Variants in PLCG2 observed in about 807,000 individuals in gnomAD.
PLCG2 encodes the protein 1-phosphatidylinositol 4,5-bisphosphate phosphodiesterase gamma-2.
Under a neutral mutation model 175.6 loss-of-function variants are expected in PLCG2, and 69 were observed. That is an observed-to-expected ratio of 0.39 (90% confidence interval 0.32 to 0.48). PLCG2 has a LOEUF of 0.48. PLCG2 is among the 20% of genes least tolerant of loss of function. The probability of loss-of-function intolerance (pLI) is 0.91; values close to 1 mark genes in which losing one functional copy is unlikely to be tolerated. For missense variants in PLCG2, 1,798 were observed against 1,650.9 expected (o/e 1.09, Z -1.54); for synonymous variants, 827 against 624.0 (o/e 1.33, Z -4.85).
intron 2 of PLCG2, among the ~76,000 whole-genome samples, chr16:81,801,406 C>G (rs1181927932): frequency 2.0e-5 from 3 of 152,080 alleles, no homozygotes; most frequent in Non-Finnish European, 4.4e-5. Context: ...GTGTGTATCC[C>G]TCAAGCAACT....
intron 1 of PLCG2, among the ~76,000 whole-genome samples, chr16:81,742,796 A>G (rs1055865348): frequency 1.3e-5 from 2 of 152,128 alleles, no homozygotes; most frequent in African/African-American, 4.8e-5. Flanking sequence ...ATCTGGCCAG[A>G]CTTCCTCAGG....
At chr16:81,747,277 G>C (rs1052544100) in intron 1 of PLCG2, among the ~76,000 whole-genome samples, 26 of 152,188 alleles carry the variant, frequency 1.7e-4, no homozygotes, top group Admixed American at 8.5e-4. Flanking sequence ...GCTCACACCT[G>C]TAAGCCCAGC....
At chr16:81,784,710 T>C (rs2143168648) in intron 1 of PLCG2, among the ~76,000 whole-genome samples, 1 of 152,318 alleles carries the variant, frequency 6.6e-6, no homozygotes, top group East Asian at 1.9e-4. Flanking sequence ...CATTATCTTG[T>C]TTAAGCCTTA....
chr16:81,763,942 G>A (rs1402267972), intron 2 of PLCG2, among the ~76,000 whole-genome samples: 1 of 152,010 alleles, frequency 6.6e-6, no homozygotes, highest in Non-Finnish European at 1.5e-5. Context: ...ACTCCAGCCT[G>A]GGCGACAGAG....
chr16:81,946,522 T>C (rs898387113), intron 31 of PLCG2, among the ~76,000 whole-genome samples: 4 of 152,070 alleles, frequency 2.6e-5, no homozygotes, highest in African/African-American at 9.7e-5. Context: ...ACTTGTAAGT[T>C]CCCCATAGTT....
intron 1 of PLCG2, among the ~76,000 whole-genome samples, chr16:81,750,841 T>G (rs1909797509): frequency 6.6e-6 from 1 of 150,928 alleles, no homozygotes; most frequent in Admixed American, 6.6e-5. Context: ...ACCTGGCTAA[T>G]TTTTTGTATT....
intron 1 of PLCG2, among the ~76,000 whole-genome samples, chr16:81,744,625 T>C (rs1298815607): frequency 6.6e-6 from 1 of 152,006 alleles, no homozygotes; most frequent in East Asian, 1.9e-4. Flanking sequence ...ATAGTCGTGC[T>C]CTGTCACCCA....
At chr16:81,942,206 T>G (rs1225087363) in intron 30 of PLCG2, among the ~76,000 whole-genome samples, 1 of 152,190 alleles carries the variant, frequency 6.6e-6, no homozygotes, top group Non-Finnish European at 1.5e-5. Context: ...GCCTTGAGCC[T>G]CATAACCCCT....
At chr16:81,957,765 A>G (rs1247515806) in intron 32 of PLCG2, among the ~76,000 whole-genome samples, 191 bp from the exon 33 acceptor site, 2 of 152,060 alleles carry the variant, frequency 1.3e-5, no homozygotes, top group African/African-American at 4.8e-5. Context: ...CTGTTTTACC[A>G]TTGAGGAGAT....
At position 81,928,412 on chromosome 16, in the gene PLCG2, T is replaced by C. The variant is rs936745093; in HGVS notation, c.2515-146T>C. 1.8e-5 allele frequency: 11 copies of C among 607,804 alleles called. 1 individual carries two copies. The highest frequency in any genetic ancestry group is 1.5e-4 in the African/African-American group (8 of 54,762). 37.7% of individuals were successfully genotyped at this position (607,804 alleles called of 1,614,324 possible). A position where few individuals can be genotyped will look rare whatever the true frequency, so the allele number is the denominator to read the frequency against. ...AGCTCCATGCTTCATTATTTAGCTCTCTCCCCATGGACGTATCTGGTAATG... is the reference window on the plus strand; with the variant it reads ...AGCTCCATGCTTCATTATTTAGCTCCCTCCCCATGGACGTATCTGGTAATG... On this transcript the variant is annotated intron_variant, in intron 23 of 32. Coordinates refer to ENST00000564138, the MANE Select transcript of PLCG2 (RefSeq NM_002661.5).
intron 2 of PLCG2, among the ~76,000 whole-genome samples, chr16:81,850,370 AG>A (rs1906344257): frequency 6.6e-6 from 1 of 151,504 alleles, no homozygotes; most frequent in Non-Finnish European, 1.5e-5. Flanking sequence ...CAAACAAAAA[AG>A]TTTCAGTGCA....
intron 1 of PLCG2, among the ~76,000 whole-genome samples, chr16:81,744,291 A>C (rs569831058): frequency 1.1e-4 from 17 of 151,640 alleles, no homozygotes; most frequent in Admixed American, 9.9e-4. Flanking sequence ...CAGCCTCCCA[A>C]GTAGCTGGGA....
At chr16:81,886,847 C>T (rs1348810571) in intron 9 of PLCG2, among the ~76,000 whole-genome samples, 1 of 152,110 alleles carries the variant, frequency 6.6e-6, no homozygotes, top group Non-Finnish European at 1.5e-5. Flanking sequence ...ATGGCCATCG[C>T]CATTTATTTT....
At chr16:81,764,335 T>G (rs999821712) in intron 2 of PLCG2, among the ~76,000 whole-genome samples, 14 of 152,062 alleles carry the variant, frequency 9.2e-5, no homozygotes, top group African/African-American at 3.4e-4. Context: ...AGTGAAAAGT[T>G]ACAAAGATCT....
intron 17 of PLCG2, among the ~76,000 whole-genome samples, chr16:81,909,467 T>G (rs1909523114): frequency 6.6e-6 from 1 of 152,132 alleles, no homozygotes; most frequent in African/African-American, 2.4e-5. Context: ...GCCTAGGCTG[T>G]AGTACAATGG....
intron 2 of PLCG2, among the ~76,000 whole-genome samples, chr16:81,834,262 C>T (rs1905397500): frequency 6.6e-6 from 1 of 152,086 alleles, no homozygotes; most frequent in Admixed American, 6.6e-5. Context: ...GTAAGGGGGA[C>T]CTGGTTTGTT....
chr16:81,833,251 G>A (rs540531101), intron 2 of PLCG2, among the ~76,000 whole-genome samples: 1 of 152,200 alleles, frequency 6.6e-6, no homozygotes, highest in Non-Finnish European at 1.5e-5. Context: ...CTTTCTGTGG[G>A]GGCCACAGCC....
Position 81,882,163 on chromosome 16 carries a change from C to G in PLCG2, c.693-1106C>G, listed in dbSNP as rs1196212428. Among the ~76,000 whole-genome samples, 4 of 152,260 alleles carry G rather than the reference C, an allele frequency of 2.6e-5. No homozygotes were observed. The East Asian group carries it at 7.7e-4, about 29-fold the overall frequency. On this transcript the variant is annotated intron_variant, in intron 8 of 32. Transcript: ENST00000564138. The stretch of plus-strand genomic sequence containing the variant: ...CCTGCAAGTGCTCAGGGAAACATAC[C>G]CATTACCCTGGGAAGCCCCGTGTAG...
At chr16:81,808,808 T>G (rs1331241313) in intron 2 of PLCG2, among the ~76,000 whole-genome samples, 1 of 152,188 alleles carries the variant, frequency 6.6e-6, no homozygotes, top group Non-Finnish European at 1.5e-5. Flanking sequence ...TGTGCAATCT[T>G]GAGCAAGCTC....
Sources: allele counts gnomAD v4.1 joint callset (sites outside exome capture counted in the v4.1 genomes callset), GRCh38; gene constraint gnomAD v4.1.1; transcripts MANE v1.5; gene names NCBI Gene and HGNC (gene_info 2026-07-23, HGNC 2026-07-21).